Variants in CHST8 observed in about 807,000 individuals in gnomAD.
CHST8 encodes carbohydrate sulfotransferase 8.
A neutral mutation model predicts 15.0 loss-of-function variants in CHST8; 10 were observed. The observed-to-expected ratio is 0.67, with a 90% CI of 0.41 to 1.13. The LOEUF is 1.13. Ranked by LOEUF, CHST8 falls within the 50% of genes most tolerant of loss-of-function variation. The pLI, the probability that CHST8 is intolerant of heterozygous loss-of-function variation, is 0.00. For missense variants in CHST8, 634 were observed against 608.2 expected (o/e 1.04, Z -0.45); for synonymous variants, 259 against 256.6 (o/e 1.01, Z -0.09).
Position 33,695,812 on chromosome 19 carries a change from T to C in CHST8, c.130+6421T>C, listed in dbSNP as rs543554089. Among the ~76,000 whole-genome samples, 17 of 131,930 alleles carry C rather than the reference T, an allele frequency of 1.3e-4. No homozygotes were observed. In the East Asian group the frequency reaches 3.7e-3, roughly 28 times the overall value. 86.6% of individuals were successfully genotyped at this position (131,930 alleles called of 152,430 possible). ...ATACCACATTTTCTTTTTCTTTCTT[T>C]CTTTCTTTCTTTTTTTTTTTTTTTT... On this transcript the variant is annotated intron_variant, in intron 3 of 4. Transcript: ENST00000650847.
chr19:33,748,320 C>G (rs1568353907), intron 3 of CHST8, among the ~76,000 whole-genome samples: 1 of 152,238 alleles, frequency 6.6e-6, no homozygotes, highest in Non-Finnish European at 1.5e-5. Context: ...CCGAACCTGA[C>G]CAAGTCCCCA....
At chr19:33,767,661 C>A (rs573468719) in intron 3 of CHST8, among the ~76,000 whole-genome samples, 2 of 152,266 alleles carry the variant, frequency 1.3e-5, no homozygotes, top group African/African-American at 4.8e-5. Flanking sequence ...TCTTACTGTG[C>A]GGGGGGATGG....
rs181635722 is a variant in CHST8, at chr19:33,715,935, A to T, written c.130+26544A>T. ...AGTCCATAGAGGCTTTACACCTGGC[A>T]TATGTGTGGGTCCATTTAGAAAGAT... On this transcript the variant is annotated intron_variant, in intron 3 of 4. Transcript: ENST00000650847. Among the ~76,000 whole-genome samples, 7 of 152,332 alleles carry T rather than the reference A, an allele frequency of 4.6e-5. No individual in the cohort carries two copies. In the East Asian group the frequency reaches 1.4e-3, roughly 29 times the overall value.
intron 3 of CHST8, among the ~76,000 whole-genome samples, chr19:33,759,618 C>T (rs143129350): frequency 0.021 from 3,161 of 152,338 alleles, 52 homozygotes; most frequent in Non-Finnish European, 0.027. Context: ...TCTGACCAGC[C>T]ACCCCTGATC....
chr19:33,749,026 C>T (rs1467945404), intron 3 of CHST8, among the ~76,000 whole-genome samples: 1 of 152,142 alleles, frequency 6.6e-6, no homozygotes, highest in Non-Finnish European at 1.5e-5. Flanking sequence ...TGAGATGAGG[C>T]CTGGGTGGTG....
chr19:33,632,125 G>GTC (rs200630323), intron 1 of CHST8, among the ~76,000 whole-genome samples: 28 of 148,598 alleles, frequency 1.9e-4, no homozygotes, highest in East Asian at 5.9e-4. Context: ...TTCTTTTCTT[G>GTC]TCTCTCTCTC....
At chr19:33,632,665 C>G (rs1972136732) in intron 1 of CHST8, among the ~76,000 whole-genome samples, 1 of 152,032 alleles carries the variant, frequency 6.6e-6, no homozygotes, top group Admixed American at 6.6e-5. Flanking sequence ...GACCCCAGAA[C>G]CCCCCCATGA....
intron 3 of CHST8, among the ~76,000 whole-genome samples, chr19:33,730,003 C>G (rs1599594941): frequency 6.6e-6 from 1 of 152,154 alleles, no homozygotes; most frequent in Non-Finnish European, 1.5e-5. Context: ...GAGATCCTGT[C>G]TATAGGAGCA....
intron 3 of CHST8, among the ~76,000 whole-genome samples, chr19:33,769,487 C>G (rs547996137): frequency 2.0e-4 from 30 of 152,168 alleles, no homozygotes; most frequent in African/African-American, 7.0e-4. Flanking sequence ...AGAGGAAAAC[C>G]AAGTGGTGCA....
At chr19:33,720,356 C>T (rs947486570) in intron 3 of CHST8, among the ~76,000 whole-genome samples, 5 of 151,746 alleles carry the variant, frequency 3.3e-5, no homozygotes, top group South Asian at 2.1e-4. Flanking sequence ...ACACACCACA[C>T]ATGCATCACA....
chr19:33,761,105 G>A (rs1974716850), intron 3 of CHST8, among the ~76,000 whole-genome samples: 2 of 152,358 alleles, frequency 1.3e-5, no homozygotes, highest in Non-Finnish European at 2.9e-5. Context: ...GGGCAAGCCA[G>A]GGAGCGACAC....
At chr19:33,652,233 C>T (rs554282577) in intron 1 of CHST8, among the ~76,000 whole-genome samples, 1 of 152,086 alleles carries the variant, frequency 6.6e-6, no homozygotes, top group South Asian at 2.1e-4. Flanking sequence ...CAAAACAACT[C>T]TGTCTTTGTT....
intron 3 of CHST8, among the ~76,000 whole-genome samples, chr19:33,698,446 T>A (rs1973267549): frequency 6.6e-6 from 1 of 150,418 alleles, no homozygotes; most frequent in African/African-American, 2.4e-5. Context: ...GGTGGCTGCC[T>A]GTTGTGTGGC....
intron 1 of CHST8, among the ~76,000 whole-genome samples, chr19:33,640,479 C>T (rs1345731395): frequency 6.6e-6 from 1 of 152,198 alleles, no homozygotes; most frequent in African/African-American, 2.4e-5. Context: ...ACCTCTCACT[C>T]ACCTTTGGCT....
chr19:33,725,136 C>T (rs182426907), intron 3 of CHST8, among the ~76,000 whole-genome samples: 6 of 152,216 alleles, frequency 3.9e-5, no homozygotes, highest in South Asian at 2.1e-4. Context: ...TCCAGAGCTG[C>T]GTGGCTGCAT....
At chr19:33,770,936 A>C (rs943609353) in intron 3 of CHST8, among the ~76,000 whole-genome samples, 4 of 152,154 alleles carry the variant, frequency 2.6e-5, no homozygotes, top group African/African-American at 7.2e-5. Context: ...GTGGGTGTGA[A>C]TCATATTCCA....
At chr19:33,752,927 A>AT (rs1275982507) in intron 3 of CHST8, among the ~76,000 whole-genome samples, 11 of 152,114 alleles carry the variant, frequency 7.2e-5, no homozygotes, top group Non-Finnish European at 1.6e-4. Context: ...AACAAACAAC[A>AT]ATTTTTTTGC....
intron 3 of CHST8, among the ~76,000 whole-genome samples, chr19:33,724,985 G>T (rs1276745148): frequency 2.0e-5 from 3 of 152,178 alleles, no homozygotes; most frequent in African/African-American, 7.2e-5. Context: ...GGGAGTGAGG[G>T]CACAGAGCTC....
At chr19:33,709,302 A>G (rs192753400) in intron 3 of CHST8, among the ~76,000 whole-genome samples, 331 of 152,304 alleles carry the variant, frequency 2.2e-3, no homozygotes, top group Non-Finnish European at 3.7e-3. Context: ...TCCGGATCTT[A>G]GGGGAAAAAC....
Sources: allele counts gnomAD v4.1 joint callset (sites outside exome capture counted in the v4.1 genomes callset), GRCh38; gene constraint gnomAD v4.1.1; transcripts MANE v1.5; gene names NCBI Gene and HGNC (gene_info 2026-07-23, HGNC 2026-07-21).